Variants in HDLBP observed in about 807,000 individuals in gnomAD.
HDLBP encodes the protein vigilin.
Under a neutral mutation model 137.3 loss-of-function variants are expected in HDLBP, and 30 were observed. That is an observed-to-expected ratio of 0.22 (90% CI 0.16 to 0.30). The LOEUF is 0.30. HDLBP is among the 10% of genes least tolerant of loss of function. HDLBP has a pLI of 1.00. For synonymous variants in HDLBP, 606 were observed against 596.0 expected (o/e 1.02, Z -0.24); for missense variants, 1,119 against 1,667.3 (o/e 0.67, Z 5.73).
intron 9 of HDLBP, among the ~76,000 whole-genome samples, chr2:241,254,083 G>A (rs1005951461): frequency 9.9e-5 from 15 of 152,052 alleles, no homozygotes; most frequent in Non-Finnish European, 1.9e-4. Context: ...CCACGAGTTC[G>A]AGATCAACCT....
At chr2:241,283,697 A>G (rs1416248682) in intron 1 of HDLBP, among the ~76,000 whole-genome samples, 1 of 151,894 alleles carries the variant, frequency 6.6e-6, no homozygotes, top group African/African-American at 2.4e-5. Context: ...GATGGTCTCG[A>G]TCTCCTGACC....
At chr2:241,255,255 C>A in intron 8 of HDLBP, 97 bp from the exon 9 acceptor site, 1 of 1,434,292 alleles carries the variant, frequency 7.0e-7, no homozygotes, top group Non-Finnish European at 9.8e-7. Flanking sequence ...GCACGCTCTC[C>A]CCAAACCTGG....
chr2:241,268,551 G>A lies in HDLBP; in HGVS notation c.-102-10C>T. 6 of 964,366 alleles carry A rather than the reference G, an allele frequency of 6.2e-6. No homozygotes were observed. Among genetic ancestry groups the A allele is most frequent in the Non-Finnish European group, 7.4e-6 (6 of 810,292 alleles). 59.7% of individuals were successfully genotyped at this position (964,366 alleles called of 1,614,324 possible). The stretch of plus-strand genomic sequence containing the variant: ...AGCCTGCCAGCTTTTGCTGGTATGG[G>A]ATGGGAAGTGGGAGAGGAGAGAGAG... On this transcript the variant is annotated splice_polypyrimidine_tract_variant and intron_variant, in intron 1 of 27. Coordinates refer to ENST00000310931, the MANE Select transcript of HDLBP (RefSeq NM_005336.6).
rs1412587582 is a variant in HDLBP, at chr2:241,262,719, G to T, written c.442C>A (p.Gln148Lys). ...KARKDIVARL[Q>K]TQASATVAIP... is the part of the protein sequence containing the mutation. ...GGCCTCAGGCTACCCACCTGAGTCT[G>T]CAGTCTAGCAACAATGTCCTTCCGA... The change falls in exon 5 of 28, where the codon CAG becomes AAG. Residue 148 changes from glutamine (Q) to lysine (K), a missense_variant. Around this residue, in one of 4 missense-constraint regions of HDLBP, gnomAD observed 425 missense variants for 693.9 expected, o/e 0.61. Coordinates refer to ENST00000310931, the MANE Select transcript of HDLBP (RefSeq NM_005336.6). 1 of 1,612,934 alleles carries T rather than the reference G, an allele frequency of 6.2e-7. No homozygotes were observed. Among genetic ancestry groups the T allele is most frequent in the Non-Finnish European group, 8.5e-7 (1 of 1,179,272 alleles).
chr2:241,303,042 C>A (rs958734997), intron 1 of HDLBP, among the ~76,000 whole-genome samples: 1 of 152,216 alleles, frequency 6.6e-6, no homozygotes. Flanking sequence ...CCACTAAATT[C>A]ACACCGCAAA....
chr2:241,290,957 T>C (rs1008797717), intron 1 of HDLBP, among the ~76,000 whole-genome samples: 3 of 152,200 alleles, frequency 2.0e-5, no homozygotes, highest in Non-Finnish European at 2.9e-5. Flanking sequence ...CACTTATTCA[T>C]ACACTACACG....
chr2:241,256,512 A>C, intron 6 of HDLBP, 88 bp downstream of exon 6: 2 of 1,516,956 alleles, frequency 1.3e-6, no homozygotes, highest in Non-Finnish European at 1.8e-6. Context: ...TTATGCCTTG[A>C]AGTCCACACT....
rs149095901 is a variant in HDLBP, at chr2:241,236,126, A to G, written c.2904+489T>C. 906 of 195,636 alleles carry G rather than the reference A, an allele frequency of 4.6e-3. 3 individuals are homozygous for G. The highest frequency in any genetic ancestry group is 6.6e-3 in the Non-Finnish European group (630 of 94,812). The allele number at this position is 195,636 out of a possible 1,614,324, so 12.1% of individuals were successfully genotyped here. A position where few individuals can be genotyped will look rare whatever the true frequency, so the allele number is the denominator to read the frequency against. ...CATTTACCATCACTTGCCACAGGAT[A>G]TATCTGCGTTGACTGCTTGTCTCTC... On this transcript the variant is annotated intron_variant, in intron 21 of 27. Transcript: ENST00000310931.
At chr2:241,237,695 G>A (rs2070717786) in intron 20 of HDLBP, among the ~76,000 whole-genome samples, 1 of 151,232 alleles carries the variant, frequency 6.6e-6, no homozygotes, top group South Asian at 2.1e-4. Context: ...ATGAATAAAG[G>A]GACATGTCTA....
At position 241,239,493 on chromosome 2, in the gene HDLBP, G is replaced by T. The variant is rs999378596; in HGVS notation, c.2610+109C>A. On this transcript the variant is annotated intron_variant, in intron 19 of 27. Coordinates refer to ENST00000310931, the MANE Select transcript of HDLBP (RefSeq NM_005336.6). This position sits in a 1 kb window ranked among gnomAD's most constrained non-coding sequence, Gnocchi z 4.6. ...AAAGCCCCTTCTGAAGCCTTCCAGG[G>T]CTGTATGAGGGAGTCACCTCCCTAC... 3.5e-6 allele frequency: 3 copies of T among 854,686 alleles called. No homozygotes were observed. The highest frequency in any genetic ancestry group is 5.7e-6 in the Non-Finnish European group (3 of 526,666). The allele number at this position is 854,686 out of a possible 1,614,324, so 52.9% of individuals were successfully genotyped here. A position where few individuals can be genotyped will look rare whatever the true frequency, so the allele number is the denominator to read the frequency against.
intron 1 of HDLBP, among the ~76,000 whole-genome samples, chr2:241,305,060 A>G (rs2075525154): frequency 6.6e-6 from 1 of 152,250 alleles, no homozygotes; most frequent in Non-Finnish European, 1.5e-5. Context: ...TGAGGACACC[A>G]GCACTGTAAG....
At chr2:241,264,361 CA>C (rs71933081) in intron 4 of HDLBP, 86 bp downstream of exon 4, 62,438 of 764,898 alleles carry the variant, frequency 0.082, no homozygotes, top group Admixed American at 0.1. Flanking sequence ...GACTCTGTCT[CA>C]AAAAAAAAAA....
At chr2:241,256,897 T>C (rs1218959876) in intron 5 of HDLBP, 91 bp from the exon 6 acceptor site, 13 of 1,093,354 alleles carry the variant, frequency 1.2e-5, no homozygotes, top group Non-Finnish European at 1.8e-5. Flanking sequence ...AAACACCATC[T>C]TTGCTTATTC....
intron 1 of HDLBP, among the ~76,000 whole-genome samples, chr2:241,286,818 C>A (rs552780585): frequency 1.6e-4 from 25 of 152,048 alleles, no homozygotes; most frequent in Admixed American, 1.0e-3. Flanking sequence ...TGGTAGTATG[C>A]ACCTGTAGTG....
At chr2:241,261,759 C>A (rs1574955650) in intron 5 of HDLBP, among the ~76,000 whole-genome samples, 1 of 152,212 alleles carries the variant, frequency 6.6e-6, no homozygotes, top group East Asian at 1.9e-4. Flanking sequence ...GTCCCGATGC[C>A]CCCATGTGGT....
chr2:241,255,592 C>T lies in HDLBP; in HGVS notation c.874-12G>A, dbSNP rs1480351548. The T allele has an allele frequency of 2.5e-6, 4 of 1,604,526 alleles. No individual in the cohort carries two copies. The African/African-American group carries it at 5.4e-5, about 21-fold the overall frequency. Reference sequence around the variant, plus strand: ...GTAGTCTTCTTTTTCTAAATAAGAGCACCATAAGGGGCAGTCAAAGGGAAA... The same window carrying T: ...GTAGTCTTCTTTTTCTAAATAAGAGTACCATAAGGGGCAGTCAAAGGGAAA... On this transcript the variant is annotated splice_polypyrimidine_tract_variant and intron_variant, in intron 7 of 27. Coordinates refer to ENST00000310931, the MANE Select transcript of HDLBP (RefSeq NM_005336.6).
At chr2:241,235,368 G>T in intron 22 of HDLBP, 113 bp from the exon 23 acceptor site, 1 of 1,518,776 alleles carries the variant, frequency 6.6e-7, no homozygotes. Context: ...GTGAAGGGAA[G>T]TCAGTGCCCA....
chr2:241,311,422 T>C (rs930319402), intron 1 of HDLBP, among the ~76,000 whole-genome samples: 1 of 152,040 alleles, frequency 6.6e-6, no homozygotes, highest in Non-Finnish European at 1.5e-5. Context: ...GACAGTCAAA[T>C]CAAGAGAATG....
intron 1 of HDLBP, among the ~76,000 whole-genome samples, chr2:241,275,177 TC>T (rs140153586): frequency 0.066 from 9,870 of 148,702 alleles, 1,083 homozygotes; most frequent in African/African-American, 0.23. Flanking sequence ...AGAAAGCAAT[TC>T]CCCCCCACCC....
Sources: gnomAD v4.1 joint callset for allele counts (sites outside exome capture counted in the v4.1 genomes callset) on GRCh38, gnomAD v4.1.1 for gene constraint, gnomAD v4.1.1 regional missense constraint, Gnocchi (gnomAD v3.1) non-coding constraint, MANE v1.5 for transcripts, NCBI Gene and HGNC (gene_info 2026-07-23, HGNC 2026-07-21) for gene names.